Variants in PTPN2 observed in about 807,000 individuals in gnomAD.
PTPN2 encodes the protein tyrosine-protein phosphatase non-receptor type 2.
PTPN2 carries 19 observed loss-of-function variants against 57.3 expected under a neutral mutation model. The ratio of observed to expected loss-of-function variants is 0.33; its 90% confidence interval spans 0.23 to 0.49. The LOEUF is 0.49. Among genes scored for constraint, PTPN2 ranks in the 20% least tolerant of loss-of-function variants. PTPN2 has a pLI of 0.99. For missense variants in PTPN2, 358 were observed against 501.1 expected (o/e 0.71, Z 2.73); for synonymous variants, 153 against 164.9 (o/e 0.93, Z 0.55).
intron 3 of PTPN2, among the ~76,000 whole-genome samples, chr18:12,833,441 A>G (rs1416410620): frequency 6.6e-6 from 1 of 152,202 alleles, no homozygotes; most frequent in Non-Finnish European, 1.5e-5. Context: ...AAGTAGTACA[A>G]GAGTATGGGC....
At chr18:12,883,952 C>G (rs1377029446) in intron 1 of PTPN2, 121 bp downstream of exon 1, 168 of 861,812 alleles carry the variant, frequency 1.9e-4, no homozygotes, top group Middle Eastern at 3.0e-4. Flanking sequence ...CGCGCCGCCA[C>G]TTCCGCCCCG....
chr18:12,824,058 C>G (rs1229787666), intron 5 of PTPN2, among the ~76,000 whole-genome samples: 1 of 152,152 alleles, frequency 6.6e-6, no homozygotes. Context: ...ATTCAGAGAA[C>G]TTTCAGAACC....
At chr18:12,870,290 C>T (rs9959277) in intron 1 of PTPN2, among the ~76,000 whole-genome samples, 40,654 of 75,500 alleles carry the variant, frequency 0.54, 11,389 homozygotes, top group East Asian at 0.78. Context: ...TATACATATA[C>T]ATATATATGT....
chr18:12,810,719 A>C (rs536165295), intron 7 of PTPN2, among the ~76,000 whole-genome samples: 205 of 152,334 alleles, frequency 1.3e-3, no homozygotes, highest in African/African-American at 4.8e-3. Context: ...ATTTGTCTAG[A>C]GGATGGAAAA....
chr18:12,793,782 A>G lies in PTPN2; in HGVS notation c.*496T>C. On this transcript the variant is annotated 3_prime_UTR_variant, in exon 9 of 9. Transcript: ENST00000309660. ...AAAAGATTAAATAGATACTTATAAA[A>G]TATATTTACCCTGAAATGCTTAAGA... The G allele has an allele frequency of 7.5e-6, 7 of 939,182 alleles. No homozygotes were observed. Among genetic ancestry groups the G allele is most frequent in the Non-Finnish European group, 8.9e-6 (7 of 786,368 alleles). The allele number at this position is 939,182 out of a possible 1,614,324, so 58.2% of individuals were successfully genotyped here. A position where few individuals can be genotyped will look rare whatever the true frequency, so the allele number is the denominator to read the frequency against.
chr18:12,860,285 T>TA (rs2043753272), intron 1 of PTPN2, among the ~76,000 whole-genome samples: 2 of 145,672 alleles, frequency 1.4e-5, no homozygotes, highest in African/African-American at 5.1e-5. Flanking sequence ...TGAGACTCTA[T>TA]AAAAAAAAAC....
intron 3 of PTPN2, among the ~76,000 whole-genome samples, chr18:12,835,479 G>A (rs148641172): frequency 0.027 from 3,972 of 147,112 alleles, 71 homozygotes; most frequent in Middle Eastern, 0.043. Context: ...GGGTTCAAGC[G>A]ATTCTCCTGC....
chr18:12,873,576 T>C lies in PTPN2; in HGVS notation c.69+10497A>G, dbSNP rs1418943810. Among the ~76,000 whole-genome samples the C allele has an allele frequency of 3.3e-5, 5 of 152,220 alleles. No individual in the cohort carries two copies. In the East Asian group the frequency reaches 9.6e-4, roughly 29 times the overall value. On this transcript the variant is annotated intron_variant, in intron 1 of 8. Transcript: ENST00000309660. ...AGGTGCCGGGATTGCAGACGGTGTCTGGTTCACTCAGTGCTCAATGGTGCC... is the reference window on the plus strand; with the variant it reads ...AGGTGCCGGGATTGCAGACGGTGTCCGGTTCACTCAGTGCTCAATGGTGCC...
chr18:12,836,758 T>C (rs2042879546), intron 3 of PTPN2, 33 bp downstream of exon 3: 1 of 1,337,574 alleles, frequency 7.5e-7, no homozygotes. Context: ...AACACATCAT[T>C]TTCAGACATT....
At chr18:12,864,607 C>T (rs1221116766) in intron 1 of PTPN2, among the ~76,000 whole-genome samples, 1 of 151,966 alleles carries the variant, frequency 6.6e-6, no homozygotes, top group Admixed American at 6.6e-5. Context: ...ACCGTGTTAG[C>T]CAGGATGGTC....
intron 4 of PTPN2, among the ~76,000 whole-genome samples, chr18:12,827,348 A>AT: frequency 7.8e-6 from 1 of 129,022 alleles, no homozygotes; most frequent in Non-Finnish European, 1.8e-5. Context: ...GTCTCAAAAA[A>AT]AAAAAAAAAT....
chr18:12,849,648 T>C (rs1363919705), intron 2 of PTPN2, among the ~76,000 whole-genome samples: 1 of 152,240 alleles, frequency 6.6e-6, no homozygotes, highest in Non-Finnish European at 1.5e-5. Context: ...ACATAATGTA[T>C]TATCTTTTTA....
chr18:12,855,598 G>A (rs2043560337), intron 2 of PTPN2, among the ~76,000 whole-genome samples: 1 of 152,160 alleles, frequency 6.6e-6, no homozygotes, highest in Admixed American at 6.5e-5. Flanking sequence ...ACGATATCCT[G>A]AGCATGGTGA....
At chr18:12,834,216 A>G (rs1032370645) in intron 3 of PTPN2, among the ~76,000 whole-genome samples, 2 of 151,980 alleles carry the variant, frequency 1.3e-5, no homozygotes, top group African/African-American at 4.8e-5. Flanking sequence ...AATCCCAGCT[A>G]CTTGGGAGGC....
At chr18:12,880,723 ATGT>A (rs1439048384) in intron 1 of PTPN2, 4 of 152,120 alleles carry the variant, frequency 2.6e-5, no homozygotes, top group African/African-American at 9.7e-5. Context: ...ATCCTTTTAA[ATGT>A]TGTCTGTCAA....
intron 1 of PTPN2, chr18:12,880,534 C>T (rs7241650): frequency 0.13 from 20,454 of 152,186 alleles, 2,756 homozygotes; most frequent in African/African-American, 0.35. Context: ...TTGTGTAGTC[C>T]GCTGACACAA....
In PTPN2 at chr18:12,814,305, T is replaced by C. The variant is rs1464728757; in HGVS notation, c.756A>G (p.Arg252=). The change falls in exon 7 of 9, where the codon AGA becomes AGG. Residue 252 remains arginine, a synonymous_variant. Coordinates refer to ENST00000309660, the MANE Select transcript of PTPN2 (RefSeq NM_002828.4). ...INIKQVLLNM[R]KYRMGLIQTP... ...TCTGAATAAGACCCATTCGGTATTT[T>C]CTCATGTTCAGTAACACTTGTTTTA... 1 of 1,609,806 alleles carries C rather than the reference T, an allele frequency of 6.2e-7. No individual in the cohort carries two copies. Among genetic ancestry groups the C allele is most frequent in the African/African-American group, 1.3e-5 (1 of 74,746 alleles).
At chr18:12,792,090 C>T (rs1375080355), downstream of PTPN2, 1 of 473,496 alleles carries the variant, frequency 2.1e-6, no homozygotes, top group East Asian at 1.5e-4. Context: ...AAATGTCCCT[C>T]TTACCTCCTC....
intron 2 of PTPN2, among the ~76,000 whole-genome samples, chr18:12,839,895 T>C (rs796626981): frequency 5.3e-5 from 8 of 152,098 alleles, no homozygotes; most frequent in African/African-American, 1.9e-4. Context: ...GTGGCTGTGC[T>C]GACAATACAG....
Sources: gnomAD v4.1 joint callset for allele counts (sites outside exome capture counted in the v4.1 genomes callset) on GRCh38, gnomAD v4.1.1 for gene constraint, MANE v1.5 for transcripts, NCBI Gene and HGNC (gene_info 2026-07-23, HGNC 2026-07-21) for gene names.